LIPA: variants seen among roughly 807,000 people sequenced by gnomAD.
LIPA encodes the protein lysosomal acid lipase/cholesteryl ester hydrolase.
LIPA carries 26 observed loss-of-function variants against 40.6 expected under a neutral mutation model. The ratio of observed to expected loss-of-function variants is 0.64; its 90% CI spans 0.47 to 0.89. The LOEUF (loss-of-function observed/expected upper bound fraction) is 0.89, where lower values mean the gene tolerates loss of function less well. Ranked by LOEUF, LIPA falls within the 40% of genes least tolerant of loss-of-function variation. The pLI is 0.00. For missense variants in LIPA, 455 were observed against 479.6 expected (o/e 0.95, Z 0.48); for synonymous variants, 188 against 168.4 (o/e 1.12, Z -0.90).
intron 2 of LIPA, among the ~76,000 whole-genome samples, chr10:89,357,036 T>A (rs572057844): frequency 6.6e-6 from 1 of 152,134 alleles, no homozygotes; most frequent in African/African-American, 2.4e-5. Context: ...CCAGCCCACA[T>A]AATGAACTAT....
At chr10:89,362,311 T>C (rs1321858145) in intron 2 of LIPA, 1 of 152,918 alleles carries the variant, frequency 6.5e-6, no homozygotes, top group Admixed American at 6.6e-5. Flanking sequence ...CTGATTATCA[T>C]GGAGTCAAAG....
chr10:89,220,421 G>A (rs556701912), intron 8 of LIPA, among the ~76,000 whole-genome samples: 77 of 152,286 alleles, frequency 5.1e-4, no homozygotes, highest in Admixed American at 1.2e-3. Flanking sequence ...GAATTCTAGT[G>A]ACAGGGTATA....
chr10:89,339,769 G>A (rs1323524631), intron 1 of LIPA: 1 of 1,614,140 alleles, frequency 6.2e-7, no homozygotes, highest in Admixed American at 1.7e-5. Flanking sequence ...GAAATATAAT[G>A]GGAAGTCTGA....
At chr10:89,406,007 A>G (rs1020945732) in intron 2 of LIPA, 3 of 152,122 alleles carry the variant, frequency 2.0e-5, no homozygotes, top group African/African-American at 7.2e-5. Flanking sequence ...GTAGATACTG[A>G]TTTCATCCAT....
chr10:89,394,368 G>T (rs2133615133), intron 2 of LIPA, among the ~76,000 whole-genome samples: 1 of 152,112 alleles, frequency 6.6e-6, no homozygotes, highest in African/African-American at 2.4e-5. Context: ...AGGAATCTTA[G>T]ATTTAGAAAT....
chr10:89,283,806 C>T (rs893722651), intron 1 of LIPA: 2 of 152,252 alleles, frequency 1.3e-5, no homozygotes, highest in South Asian at 4.1e-4. Context: ...AATCTGCCAT[C>T]AGCTCAGGCA....
At chr10:89,222,207 G>A (rs1357234649) in intron 8 of LIPA, among the ~76,000 whole-genome samples, 2 of 152,184 alleles carry the variant, frequency 1.3e-5, no homozygotes, top group South Asian at 4.1e-4. Flanking sequence ...ACAGGAGGAG[G>A]AAAAGAAAGC....
intron 2 of LIPA, chr10:89,405,781 C>T (rs1448088331): frequency 6.6e-6 from 1 of 152,184 alleles, no homozygotes; most frequent in Non-Finnish European, 1.5e-5. Context: ...CTGCATAATC[C>T]AGAATAATTG....
chr10:89,336,125 G>A (rs538065183), intron 1 of LIPA, among the ~76,000 whole-genome samples: 1 of 139,968 alleles, frequency 7.1e-6, no homozygotes, highest in East Asian at 2.5e-4. Context: ...AAAAAGGAAG[G>A]AAGGGAGGAA....
At chr10:89,324,519 C>T (rs759042374) in intron 1 of LIPA, among the ~76,000 whole-genome samples, 5 of 151,980 alleles carry the variant, frequency 3.3e-5, no homozygotes, top group Admixed American at 6.6e-5. Flanking sequence ...AATTGACAAA[C>T]GGGACCTAAT....
At chr10:89,382,827 C>T (rs1844173299) in intron 2 of LIPA, among the ~76,000 whole-genome samples, 1 of 152,234 alleles carries the variant, frequency 6.6e-6, no homozygotes, top group South Asian at 2.1e-4. Flanking sequence ...GCATTTGAAA[C>T]CATATTTGGC....
At position 89,355,479 on chromosome 10, in the gene LIPA, T is replaced by G. The variant is rs544289638; in HGVS notation, c.61+57312A>C. 2.0e-5 allele frequency among the ~76,000 whole-genome samples: 3 copies of G among 152,360 alleles called. No homozygotes were observed. In the South Asian group the frequency reaches 6.2e-4, roughly 32 times the overall value. On this transcript the variant is annotated intron_variant, in intron 2 of 8. Transcript: ENST00000371837. Reference sequence around the variant, plus strand: ...AGAAATAAAGCTCTCCTTTCAAAATTTATGAAGTTTGTTATTCTTCAGTTG... The same window carrying G: ...AGAAATAAAGCTCTCCTTTCAAAATGTATGAAGTTTGTTATTCTTCAGTTG...
rs565848441 is a variant in LIPA, at chr10:89,394,766, C to T, written c.61+18025G>A. The stretch of plus-strand genomic sequence containing the variant: ...TATATTCATGATACTACTGTGCAAT[C>T]ATCATCACTATCTAGTTCAAGAACA... On this transcript the variant is annotated intron_variant, in intron 2 of 8. Coordinates refer to the LIPA transcript ENST00000371837. Among the ~76,000 whole-genome samples, 510 of 151,852 alleles carry T rather than the reference C, an allele frequency of 3.4e-3. 4 individuals are homozygous for T. Among genetic ancestry groups the T allele is most frequent in the Admixed American group, 6.2e-3 (94 of 15,250 alleles).
rs556543850 is a variant in LIPA, at chr10:89,409,882, G to A, written c.61+2909C>T. ...CCAAAGCTGGAGCTATTATCTAAAC[G>A]AATATGAGGAATAAGTTACCCATTT... On this transcript the variant is annotated intron_variant, in intron 2 of 8. Coordinates refer to the LIPA transcript ENST00000371837. Among the ~76,000 whole-genome samples the A allele has an allele frequency of 1.1e-3, 168 of 152,322 alleles. 1 individual carries two copies. Among genetic ancestry groups the A allele is most frequent in the Non-Finnish European group, 1.9e-3 (127 of 68,024 alleles).
rs534508436 is a variant in LIPA, at chr10:89,412,404, G to C, written c.61+387C>G. On this transcript the variant is annotated intron_variant, in intron 2 of 8. Coordinates refer to the LIPA transcript ENST00000371837. Reference sequence around the variant, plus strand: ...TGGACCAATCAGCACTCTGTAAAATGGACCAATCAGCACTTTGTAAAGTGG... The same window carrying C: ...TGGACCAATCAGCACTCTGTAAAATCGACCAATCAGCACTTTGTAAAGTGG... 2.2e-4 allele frequency among the ~76,000 whole-genome samples: 34 copies of C among 152,262 alleles called. No individual in the cohort carries two copies. The South Asian group carries it at 4.6e-3, about 20-fold the overall frequency.
rs117360489 is a variant in LIPA at position 89,311,478 on chromosome 10, T to C, written c.-2+31133A>G. On this transcript the variant is annotated intron_variant, in intron 1 of 5. Coordinates refer to the LIPA transcript ENST00000282673. ...CTGGGAGGTGGTAGTTGCAGTGAGA[T>C]GGTACCACTGCACTCCAGCCTGGGT... 7.2e-3 allele frequency among the ~76,000 whole-genome samples: 1,007 copies of C among 140,030 alleles called. 15 individuals are homozygous for C. Among genetic ancestry groups the C allele is most frequent in the Middle Eastern group, 0.059 (14 of 238 alleles). 91.9% of individuals were successfully genotyped at this position (140,030 alleles called of 152,430 possible). A position where few individuals can be genotyped will look rare whatever the true frequency, so the allele number is the denominator to read the frequency against.
At chr10:89,332,687 T>A (rs371072510) in intron 1 of LIPA, 17 of 1,530,152 alleles carry the variant, frequency 1.1e-5, no homozygotes, top group Non-Finnish European at 1.3e-5. Flanking sequence ...CTTCCTGACT[T>A]ATGCTATTTC....
chr10:89,414,574 T>G, upstream of LIPA: 1 of 463,868 alleles, frequency 2.2e-6, no homozygotes, highest in Non-Finnish European at 3.8e-6. Context: ...TTTCAGTTTC[T>G]GAGCGCTCGG....
chr10:89,350,590 C>A (rs1011646888), intron 2 of LIPA, among the ~76,000 whole-genome samples: 1 of 151,888 alleles, frequency 6.6e-6, no homozygotes, highest in Non-Finnish European at 1.5e-5. Flanking sequence ...TAGGTGTGAG[C>A]CACCGTGCCT....
Sources: allele counts gnomAD v4.1 joint callset (sites outside exome capture counted in the v4.1 genomes callset), GRCh38; gene constraint gnomAD v4.1.1; transcripts MANE v1.5; gene names NCBI Gene and HGNC (gene_info 2026-07-23, HGNC 2026-07-21).